XRCC4: variants seen among roughly 807,000 people sequenced by gnomAD.
The protein encoded by XRCC4 is DNA repair protein XRCC4.
A neutral mutation model predicts 39.1 loss-of-function variants in XRCC4; 28 were observed. The ratio of observed to expected loss-of-function variants is 0.72; its 90% CI spans 0.53 to 0.98. XRCC4 has a LOEUF of 0.98. Among genes scored for constraint, XRCC4 ranks in the 50% least tolerant of loss-of-function variants. XRCC4 has a pLI of 0.00. For missense variants in XRCC4, 350 were observed against 376.4 expected, an observed-to-expected ratio of 0.93 and a Z score of 0.58; for synonymous variants, 123 against 126.4, an observed-to-expected ratio of 0.97 and a Z score of 0.18.
At chr5:83,272,411 T>C (rs950358233) in intron 7 of XRCC4, among the ~76,000 whole-genome samples, 7 of 152,156 alleles carry the variant, frequency 4.6e-5, no homozygotes, top group Non-Finnish European at 8.8e-5. Flanking sequence ...CTTTTTATTA[T>C]TATTATGTAT....
chr5:83,270,400 T>A (rs1248105722), intron 7 of XRCC4, among the ~76,000 whole-genome samples: 2 of 152,188 alleles, frequency 1.3e-5, no homozygotes, highest in African/African-American at 4.8e-5. Context: ...TTTGTCAGTC[T>A]CATACTTCAT....
At chr5:83,197,586 G>C (rs2112707676) in intron 4 of XRCC4, among the ~76,000 whole-genome samples, 1 of 152,290 alleles carries the variant, frequency 6.6e-6, no homozygotes, top group African/African-American at 2.4e-5. Context: ...AATGCACCCT[G>C]TGCTGTAACA....
chr5:83,139,315 A>G (rs1244679435), intron 3 of XRCC4, among the ~76,000 whole-genome samples: 1 of 152,178 alleles, frequency 6.6e-6, no homozygotes, highest in Non-Finnish European at 1.5e-5. Context: ...AGAATACCAT[A>G]GAAATGATGT....
intron 7 of XRCC4, among the ~76,000 whole-genome samples, chr5:83,266,813 G>T (rs1375099570): frequency 6.6e-6 from 1 of 152,068 alleles, no homozygotes; most frequent in Admixed American, 6.6e-5. Flanking sequence ...AATTATCAGT[G>T]TATTGGATAA....
At chr5:83,159,339 T>C (rs1442914906) in intron 3 of XRCC4, among the ~76,000 whole-genome samples, 1 of 152,098 alleles carries the variant, frequency 6.6e-6, no homozygotes, top group African/African-American at 2.4e-5. Flanking sequence ...ATGGAGAACA[T>C]AAGAAAGTTT....
chr5:83,086,472 G>T (rs1745186913), intron 1 of XRCC4, among the ~76,000 whole-genome samples: 1 of 152,098 alleles, frequency 6.6e-6, no homozygotes, highest in African/African-American at 2.4e-5. Flanking sequence ...CATAATGAAA[G>T]GAAAATATAT....
chr5:83,257,625 G>T (rs1365598664), intron 6 of XRCC4, among the ~76,000 whole-genome samples: 1 of 152,202 alleles, frequency 6.6e-6, no homozygotes, highest in African/African-American at 2.4e-5. Context: ...GGAAGACAGT[G>T]TGGTGATTCC....
downstream of XRCC4, among the ~76,000 whole-genome samples, chr5:83,354,229 A>G (rs905508341): frequency 1.3e-5 from 2 of 152,188 alleles, no homozygotes; most frequent in Non-Finnish European, 2.9e-5. Flanking sequence ...TTGCAATAGC[A>G]TATGCTCTTT....
intron 7 of XRCC4, among the ~76,000 whole-genome samples, chr5:83,262,268 TTCC>T (rs368451402): frequency 4.3e-4 from 65 of 152,316 alleles, no homozygotes; most frequent in African/African-American, 1.4e-3. Flanking sequence ...GCCTGGTTAC[TTCC>T]TCAACTGGGT....
downstream of XRCC4, chr5:83,356,812 C>T (rs576378778): frequency 6.8e-6 from 3 of 439,604 alleles, no homozygotes; most frequent in South Asian, 3.3e-5. Context: ...ACCTTATCAT[C>T]CTCACCTCTA....
chr5:83,241,441 T>G (rs1752905644), intron 6 of XRCC4, among the ~76,000 whole-genome samples: 1 of 152,204 alleles, frequency 6.6e-6, no homozygotes, highest in South Asian at 2.1e-4. Flanking sequence ...AGTGAATTAA[T>G]TCTGTTAAAT....
intron 6 of XRCC4, among the ~76,000 whole-genome samples, chr5:83,254,074 G>GT (rs1218352480): frequency 1.3e-4 from 18 of 142,228 alleles, no homozygotes; most frequent in African/African-American, 4.5e-4. Flanking sequence ...ATTGGCAATC[G>GT]TTTTTTGTTT....
chr5:83,355,346 G>A (rs1038932315), downstream of XRCC4, among the ~76,000 whole-genome samples: 5 of 151,928 alleles, frequency 3.3e-5, no homozygotes, highest in East Asian at 3.9e-4. Flanking sequence ...CTCCTCTCCC[G>A]GTGGAACATA....
chr5:83,235,334 C>CAA lies in XRCC4; in HGVS notation c.746-23178_746-23177dup, dbSNP rs57372204. ...TGGGTGACAGATCAAGACCCTATCT[C>CAA]AAAAAAAAAAAAAAAAAAAGAAAGA... On this transcript the variant is annotated intron_variant, in intron 6 of 7. Transcript: ENST00000396027. Among the ~76,000 whole-genome samples the CAA allele has an allele frequency of 2.5e-3, 145 of 58,612 alleles. 1 individual carries two copies. Among genetic ancestry groups the CAA allele is most frequent in the East Asian group, 6.0e-3 (18 of 3,000 alleles). The allele number at this position is 58,612 out of a possible 152,430, so 38.5% of individuals were successfully genotyped here.
intron 5 of XRCC4, among the ~76,000 whole-genome samples, chr5:83,204,520 T>A (rs1751342550): frequency 6.6e-6 from 1 of 152,086 alleles, no homozygotes; most frequent in Admixed American, 6.6e-5. Flanking sequence ...CTCACAGAGA[T>A]AATTTGTTAG....
chr5:83,110,458 G>A (rs1398794743), intron 2 of XRCC4, among the ~76,000 whole-genome samples: 1 of 151,826 alleles, frequency 6.6e-6, no homozygotes, highest in Non-Finnish European at 1.5e-5. Context: ...AATTGGAAGC[G>A]GTCTCTAGTA....
chr5:83,304,987 G>T (rs1396757830), intron 7 of XRCC4, among the ~76,000 whole-genome samples: 5 of 152,132 alleles, frequency 3.3e-5, no homozygotes, highest in African/African-American at 2.4e-5. Context: ...TTTAGTTTTA[G>T]TTACCTGAGC....
chr5:83,155,834 A>T (rs1234878615), intron 3 of XRCC4, among the ~76,000 whole-genome samples: 3 of 152,150 alleles, frequency 2.0e-5, no homozygotes, highest in Admixed American at 2.0e-4. Flanking sequence ...TTTAAAAAAT[A>T]GTTATTTCTA....
chr5:83,309,296 A>AAAAAT (rs1561467702), intron 7 of XRCC4, among the ~76,000 whole-genome samples: 21 of 72,228 alleles, frequency 2.9e-4, no homozygotes, highest in African/African-American at 1.2e-3. Context: ...AAAAAAAAAA[A>AAAAAT]ATATATATAT....
Sources: gnomAD v4.1 joint callset for allele counts (sites outside exome capture counted in the v4.1 genomes callset) on GRCh38, gnomAD v4.1.1 for gene constraint, MANE v1.5 for transcripts, NCBI Gene and HGNC (gene_info 2026-07-23, HGNC 2026-07-21) for gene names.